The following TRIM66 variants were observed in gnomAD, a reference collection of about 807,000 sequenced individuals.
TRIM66 encodes tripartite motif-containing protein 66.
TRIM66 carries 99 observed loss-of-function variants against 148.2 expected under a neutral mutation model. That is an observed-to-expected ratio of 0.67 (90% confidence interval 0.57 to 0.79). The LOEUF is 0.79. Among genes scored for constraint, TRIM66 ranks in the 30% least tolerant of loss-of-function variants. The pLI is 0.00. For synonymous variants in TRIM66, 616 were observed against 635.9 expected (o/e 0.97, Z 0.47); for missense variants, 1,666 against 1,697.9 (o/e 0.98, Z 0.33).
intron 6 of TRIM66, among the ~76,000 whole-genome samples, chr11:8,657,501 C>T (rs1266003557): frequency 3.3e-5 from 5 of 152,102 alleles, no homozygotes; most frequent in Non-Finnish European, 5.9e-5. Flanking sequence ...AATCACATGG[C>T]CCTTGTATAA....
At chr11:8,627,877 T>G (rs550639784) in intron 15 of TRIM66, among the ~76,000 whole-genome samples, 69 of 152,366 alleles carry the variant, frequency 4.5e-4, no homozygotes, top group African/African-American at 1.6e-3. Flanking sequence ...CTGGCTGGAA[T>G]GCAGTGGCAC....
In TRIM66 at chr11:8,613,859, GACAA is replaced by G. The variant is rs2033554673; in HGVS notation, c.*4081_*4084del. ...ACAGTGAGCTCAGTCATTTGTGGAG[GACAA>G]AGATGGAGGCATGGGTGGGGAAAAA... On this transcript the variant is annotated 3_prime_UTR_variant, in exon 25 of 25. Coordinates refer to ENST00000646038, the MANE Select transcript of TRIM66 (RefSeq NM_001388022.1). 6.6e-6 allele frequency: 1 copy of G among 152,130 alleles called. No homozygotes were observed. Among genetic ancestry groups the G allele is most frequent in the African/African-American group, 2.4e-5 (1 of 41,422 alleles). 9.4% of individuals were successfully genotyped at this position (152,130 alleles called of 1,614,324 possible).
intron 15 of TRIM66, among the ~76,000 whole-genome samples, chr11:8,633,538 G>T (rs1239532333): frequency 6.6e-6 from 1 of 152,122 alleles, no homozygotes; most frequent in East Asian, 1.9e-4. Context: ...GGGAGTGTTT[G>T]GCCTGACTCT....
Position 8,618,782 on chromosome 11 carries a change from C to T in TRIM66, c.4087G>A (p.Gly1363Ser), listed in dbSNP as rs918175308. ...GFPWPPYMQE[G>S]IQPKRRRRHM... ...CGTCGCCGCCTCTTGGGTTGGATGC[C>T]CTCCTGCATGTAGGGAGGCCACGGG... Residue 1363 changes from glycine to serine, a missense_variant, in exon 24 of 25, where the codon GGC becomes AGC. Coordinates refer to ENST00000646038, the MANE Select transcript of TRIM66 (RefSeq NM_001388022.1). 4 of 1,550,868 alleles carry T rather than the reference C, an allele frequency of 2.6e-6. No homozygotes were observed. The highest frequency in any genetic ancestry group is 2.6e-6 in the Non-Finnish European group (3 of 1,146,838).
Position 8,621,676 on chromosome 11 carries a change from C to T in TRIM66, c.3224G>A (p.Cys1075Tyr), listed in dbSNP as rs1418591184. Residue 1075 changes from cysteine to tyrosine, a missense_variant, in exon 19 of 25, where the codon TGT becomes TAT. Coordinates refer to ENST00000646038, the MANE Select transcript of TRIM66 (RefSeq NM_001388022.1). ...QDGSFLLIIE[C>Y]GTESSSMSIK... ...GGACATGCTGGAGGACTCAGTGCCA[C>T]ACTCGATGATCAGCAGGAAGCTCCC... 3 of 1,546,976 alleles carry T rather than the reference C, an allele frequency of 1.9e-6. No individual in the cohort carries two copies. Among genetic ancestry groups the T allele is most frequent in the East Asian group, 2.4e-5 (1 of 40,912 alleles).
rs1209784734 is a variant in TRIM66, at chr11:8,640,550, G to T, written c.1825C>A (p.Leu609Ile). ...GGAAGGGGAGGTGGGGGATGGGGGAGGGGTGGTGGTGGAGGTGGTAGCTGC... is the reference window on the plus strand; with the variant it reads ...GGAAGGGGAGGTGGGGGATGGGGGATGGGTGGTGGTGGAGGTGGTAGCTGC... ...QQQLPPPPPPLPHPPPPLPPP... is the reference protein window; with the variant it reads ...QQQLPPPPPPIPHPPPPLPPP... Residue 609 changes from leucine (L) to isoleucine (I), a missense_variant, in exon 14 of 25, where the codon CTC becomes ATC. Physicochemically the swap from Leu to Ile is conservative, Grantham distance 5. Around this residue, in one of 3 missense-constraint regions of TRIM66, gnomAD observed 1,431 missense variants for 1,412.4 expected, o/e 1.01. Coordinates refer to ENST00000646038, the MANE Select transcript of TRIM66 (RefSeq NM_001388022.1). The T allele has an allele frequency of 3.9e-6, 6 of 1,543,836 alleles. No individual in the cohort carries two copies. The Admixed American group carries it at 1.2e-4, about 30-fold the overall frequency.
Position 8,615,734 on chromosome 11 carries a change from C to T in TRIM66, c.*2210G>A, listed in dbSNP as rs977987318. 1.3e-5 allele frequency: 2 copies of T among 152,140 alleles called. No homozygotes were observed. The highest frequency in any genetic ancestry group is 6.5e-5 in the Admixed American group (1 of 15,286). 9.4% of individuals were successfully genotyped at this position (152,140 alleles called of 1,614,324 possible). On this transcript the variant is annotated 3_prime_UTR_variant, in exon 25 of 25. Coordinates refer to ENST00000646038, the MANE Select transcript of TRIM66 (RefSeq NM_001388022.1). ...ATTACTAAGACCCCCTCTGGCCCAG[C>T]AAGCTGATCCGTGAGCCCAGGAGGC...
chr11:8,660,976 C>T (rs2038211534), intron 6 of TRIM66, among the ~76,000 whole-genome samples: 1 of 152,224 alleles, frequency 6.6e-6, no homozygotes, highest in Non-Finnish European at 1.5e-5. Flanking sequence ...TATGAAAAGA[C>T]TTGGAGGCCA....
At position 8,624,990 on chromosome 11, in the gene TRIM66, C is replaced by T. The variant is rs115044968; in HGVS notation, c.2549G>A (p.Ser850Asn). ...LTTSHLQTVPSLVHSTFQSMP... is the reference protein window; with the variant it reads ...LTTSHLQTVPNLVHSTFQSMP... ...GGACTGGAATGTGCTATGCACAAGG[C>T]TGGGCACAGTCTGTAGGTGACTGGT... Residue 850 changes from serine to asparagine, a missense_variant, in exon 16 of 25, where the codon AGC (serine) becomes AAC (asparagine). Ser to Asn is a conservative substitution (Grantham distance 46). Around this residue, in one of 3 missense-constraint regions of TRIM66, gnomAD observed 1,431 missense variants for 1,412.4 expected, o/e 1.01. Transcript: ENST00000646038. The T allele has an allele frequency of 2.9e-3, 4,426 of 1,551,728 alleles. 110 individuals carry two copies. In the African/African-American group the frequency reaches 0.053, roughly 19 times the overall value.
intron 15 of TRIM66, among the ~76,000 whole-genome samples, chr11:8,635,981 A>G (rs1188989891): frequency 6.6e-6 from 1 of 152,224 alleles, no homozygotes; most frequent in Admixed American, 6.5e-5. Context: ...TGCAAAAATT[A>G]TATCAATGAG....
chr11:8,624,274 T>C, intron 17 of TRIM66, 85 bp downstream of exon 17: 8 of 1,426,216 alleles, frequency 5.6e-6, no homozygotes, highest in Non-Finnish European at 7.6e-6. Context: ...TTAGAGCTTG[T>C]CTGCTGGCCT....
At position 8,612,188 on chromosome 11, in the gene TRIM66, T is replaced by A. The variant is rs895539849; in HGVS notation, c.*5756A>T. 7.9e-5 allele frequency: 12 copies of A among 152,152 alleles called. No homozygotes were observed. Among genetic ancestry groups the A allele is most frequent in the African/African-American group, 2.9e-4 (12 of 41,402 alleles). 9.4% of individuals were successfully genotyped at this position (152,152 alleles called of 1,614,324 possible). A position where few individuals can be genotyped will look rare whatever the true frequency, so the allele number is the denominator to read the frequency against. On this transcript the variant is annotated 3_prime_UTR_variant, in exon 25 of 25. Transcript: ENST00000646038. ...CTAACAAGGGCCTAGGAGGAACTCA[T>A]CCTACATAGCCAAGAAAGGGGTACA...
chr11:8,641,161 G>A lies in TRIM66; in HGVS notation c.1223-9C>T, dbSNP rs2036355658. ...TTCAGTAGTTATGCAGCCTGAAAAT[G>A]CAGAATAGAGAGTTTTTCAAAAGTT... On this transcript the variant is annotated splice_polypyrimidine_tract_variant and intron_variant, in intron 13 of 24. Coordinates refer to ENST00000646038, the MANE Select transcript of TRIM66 (RefSeq NM_001388022.1). The A allele has an allele frequency of 6.5e-7, 1 of 1,542,912 alleles. No individual in the cohort carries two copies.
upstream of TRIM66, chr11:8,682,962 G>T: frequency 8.6e-7 from 1 of 1,157,480 alleles, no homozygotes. Context: ...GCCGGCGCGG[G>T]CCCGGGGCGG....
chr11:8,661,152 G>T (rs192928000), intron 6 of TRIM66, among the ~76,000 whole-genome samples: 54 of 152,334 alleles, frequency 3.5e-4, no homozygotes, highest in African/African-American at 1.2e-3. Flanking sequence ...CTGTAGGAAA[G>T]AATAGGGAAT....
At chr11:8,671,607 T>C (rs1188889247) in intron 6 of TRIM66, 179 bp downstream of exon 6, 1 of 584,056 alleles carries the variant, frequency 1.7e-6, no homozygotes, top group Non-Finnish European at 3.1e-6. Flanking sequence ...AAAACAGATA[T>C]ATTAGGCATC....
intron 4 of TRIM66, among the ~76,000 whole-genome samples, chr11:8,674,360 T>C (rs1023058772): frequency 6.6e-6 from 1 of 152,124 alleles, no homozygotes; most frequent in African/African-American, 2.4e-5. Context: ...TTGGAAAAAA[T>C]AACTATTTCC....
In TRIM66 at chr11:8,613,590, C is replaced by T. The variant is rs1591978929; in HGVS notation, c.*4354G>A. 1 of 152,342 alleles carries T rather than the reference C, an allele frequency of 6.6e-6. No homozygotes were observed. The highest frequency in any genetic ancestry group is 1.9e-4 in the East Asian group (1 of 5,184). The allele number at this position is 152,342 out of a possible 1,614,324, so 9.4% of individuals were successfully genotyped here. On this transcript the variant is annotated 3_prime_UTR_variant, in exon 25 of 25. Transcript: ENST00000646038. ...AATGCTGTTTTAATCTTGTGGAGAACTTGTTTGCAGGCTGTGTGGAGGTAA... is the reference window on the plus strand; with the variant it reads ...AATGCTGTTTTAATCTTGTGGAGAATTTGTTTGCAGGCTGTGTGGAGGTAA...
chr11:8,651,922 T>A lies in TRIM66; in HGVS notation c.341-19A>T. 1.9e-6 allele frequency: 3 copies of A among 1,541,442 alleles called. No homozygotes were observed. Among genetic ancestry groups the A allele is most frequent in the Non-Finnish European group, 2.6e-6 (3 of 1,139,096 alleles). On this transcript the variant is annotated intron_variant, in intron 6 of 24. Transcript: ENST00000646038. ...ATGAGCTCTGTGCAAGAAAGAAAGA[T>A]AGCAGAGTCAGGGCAACATGGCTGA...
Sources: allele counts gnomAD v4.1 joint callset (sites outside exome capture counted in the v4.1 genomes callset), GRCh38; gene constraint gnomAD v4.1.1; regional missense constraint gnomAD v4.1.1; transcripts MANE v1.5; gene names NCBI Gene and HGNC (gene_info 2026-07-23, HGNC 2026-07-21).